The following CORIN variants were observed in gnomAD, a reference collection of about 807,000 sequenced individuals.
CORIN encodes corin, serine peptidase.
In CORIN, 117 loss-of-function variants were observed where a neutral mutation model predicts 125.3. The observed-to-expected ratio is 0.93, with a 90% confidence interval of 0.80 to 1.09. The LOEUF (loss-of-function observed/expected upper bound fraction) is 1.09, where lower values mean the gene tolerates loss of function less well. Among genes scored for constraint, CORIN ranks in the 50% least tolerant of loss-of-function variants. CORIN has a pLI of 0.00. For synonymous variants in CORIN, 450 were observed against 466.4 expected (o/e 0.96, Z 0.45); for missense variants, 1,253 against 1,306.7 (o/e 0.96, Z 0.63).
intron 10 of CORIN, among the ~76,000 whole-genome samples, chr4:47,666,034 G>T (rs564470873): frequency 6.6e-6 from 1 of 152,240 alleles, no homozygotes; most frequent in East Asian, 1.9e-4. Context: ...AGGTGGTCAT[G>T]GTTCTAGCTG....
At chr4:47,812,939 T>A (rs1337100314) in intron 1 of CORIN, among the ~76,000 whole-genome samples, 2 of 152,214 alleles carry the variant, frequency 1.3e-5, no homozygotes, top group Non-Finnish European at 2.9e-5. Flanking sequence ...AGAAAATGTA[T>A]TTGGCAAGAA....
intron 3 of CORIN, among the ~76,000 whole-genome samples, chr4:47,784,741 G>A (rs1266015181): frequency 6.6e-6 from 1 of 152,194 alleles, no homozygotes; most frequent in East Asian, 1.9e-4. Flanking sequence ...AGACATGACT[G>A]AAAAATAAAA....
At chr4:47,771,533 G>A (rs61764277) in intron 3 of CORIN, among the ~76,000 whole-genome samples, 16 of 152,036 alleles carry the variant, frequency 1.1e-4, no homozygotes, top group East Asian at 1.9e-4. Context: ...AGATTATTTC[G>A]TCACCCAAGT....
At chr4:47,741,157 T>C (rs1728376043) in intron 5 of CORIN, among the ~76,000 whole-genome samples, 1 of 151,966 alleles carries the variant, frequency 6.6e-6, no homozygotes, top group African/African-American at 2.4e-5. Flanking sequence ...CCGAAGAATG[T>C]AGGAAGATAT....
intron 2 of CORIN, among the ~76,000 whole-genome samples, chr4:47,787,492 C>A (rs1730870972): frequency 1.4e-5 from 2 of 146,720 alleles, no homozygotes; most frequent in African/African-American, 2.5e-5. Context: ...ATACATTTAT[C>A]AAAACTTGTA....
Position 47,656,437 on chromosome 4 carries a change from T to C in CORIN, c.1736-2777A>G, listed in dbSNP as rs960962645. Among the ~76,000 whole-genome samples the C allele has an allele frequency of 3.3e-5, 5 of 152,326 alleles. No individual in the cohort carries two copies. In the South Asian group the frequency reaches 1.0e-3, roughly 32 times the overall value. On this transcript the variant is annotated intron_variant, in intron 12 of 21. Transcript: ENST00000273857. ...TCCCAAAGTCCTGGCAAGACAGGCA[T>C]GAGCCACCGCTCCCGGTGACCATTT...
chr4:47,733,045 C>T (rs1727959071), intron 5 of CORIN, among the ~76,000 whole-genome samples: 1 of 152,166 alleles, frequency 6.6e-6, no homozygotes, highest in South Asian at 2.1e-4. Flanking sequence ...GTCTTCATGC[C>T]TTCTCCAGTT....
chr4:47,772,361 G>T (rs537031927), intron 3 of CORIN, among the ~76,000 whole-genome samples: 1 of 152,288 alleles, frequency 6.6e-6, no homozygotes, highest in East Asian at 1.9e-4. Flanking sequence ...TGAAGGTAGC[G>T]GATTTCTTTG....
rs548847466 is a variant in CORIN at position 47,806,904 on chromosome 4, A to C, written c.207T>G (p.Val69=). ...TTATTTAATAATGGCCTCACCCACC[A>C]ACATAGGAAAGCAGGATCACCAGCA... is the stretch of plus-strand genomic sequence containing the variant. ...VLLLVILLSY[V]GTLQKVYFKS... is the part of the protein sequence containing the mutation. The change falls in exon 2 of 22, where the codon GTT becomes GTG. Residue 69 remains valine, a splice_region_variant and synonymous_variant. Coordinates refer to ENST00000273857, the MANE Select transcript of CORIN (RefSeq NM_006587.4). 8.7e-6 allele frequency: 14 copies of C among 1,611,238 alleles called. No homozygotes were observed. The highest frequency in any genetic ancestry group is 1.1e-5 in the Non-Finnish European group (13 of 1,179,038).
intron 5 of CORIN, among the ~76,000 whole-genome samples, chr4:47,740,103 A>T (rs1728318908): frequency 6.6e-6 from 1 of 151,984 alleles, no homozygotes; most frequent in Admixed American, 6.6e-5. Flanking sequence ...TAAACACTAC[A>T]ATCAAAAGGC....
intron 17 of CORIN, among the ~76,000 whole-genome samples, chr4:47,624,171 T>A (rs879923933): frequency 6.6e-6 from 1 of 152,194 alleles, no homozygotes; most frequent in Non-Finnish European, 1.5e-5. Context: ...CAGGAGTATA[T>A]GGAATATATA....
intron 12 of CORIN, 96 bp downstream of exon 12, chr4:47,661,611 AAAAC>A (rs374108921): frequency 4.4e-5 from 50 of 1,141,850 alleles, no homozygotes; most frequent in Non-Finnish European, 5.6e-5. Flanking sequence ...AACTAAATAG[AAAAC>A]AAACAAACAA....
intron 2 of CORIN, among the ~76,000 whole-genome samples, chr4:47,789,749 G>T (rs903710451): frequency 1.3e-5 from 2 of 152,044 alleles, no homozygotes; most frequent in Non-Finnish European, 1.5e-5. Flanking sequence ...GGCCGGGCGC[G>T]GTGGCTCACG....
chr4:47,784,366 G>A (rs1008337743), intron 3 of CORIN, among the ~76,000 whole-genome samples: 1 of 152,148 alleles, frequency 6.6e-6, no homozygotes. Context: ...ACATATGCTA[G>A]GGTTTTGGCC....
chr4:47,703,279 G>T (rs138011604), intron 5 of CORIN, among the ~76,000 whole-genome samples: 1 of 152,230 alleles, frequency 6.6e-6, no homozygotes, highest in Non-Finnish European at 1.5e-5. Flanking sequence ...ACTGGGTCAA[G>T]GTAGAATTGG....
chr4:47,764,445 G>A (rs546104627), intron 3 of CORIN, among the ~76,000 whole-genome samples: 3 of 152,234 alleles, frequency 2.0e-5, no homozygotes, highest in East Asian at 1.9e-4. Flanking sequence ...TTTAGGAATC[G>A]ACCACATTTT....
intron 1 of CORIN, among the ~76,000 whole-genome samples, chr4:47,808,869 G>A (rs554670315): frequency 2.0e-5 from 3 of 152,278 alleles, no homozygotes; most frequent in Non-Finnish European, 4.4e-5. Flanking sequence ...TAATAGTGAT[G>A]GATACGACAA....
At chr4:47,648,873 A>G (rs767920560) in intron 13 of CORIN, among the ~76,000 whole-genome samples, 1 of 152,166 alleles carries the variant, frequency 6.6e-6, no homozygotes, top group Non-Finnish European at 1.5e-5. Flanking sequence ...TGTGACCTAT[A>G]AGGAGCTGTA....
At chr4:47,762,908 G>A (rs1227858302) in intron 4 of CORIN, among the ~76,000 whole-genome samples, 2 of 152,132 alleles carry the variant, frequency 1.3e-5, no homozygotes, top group Non-Finnish European at 2.9e-5. Context: ...GCCTGTCCAA[G>A]ACCCTTTACC....
Sources: allele counts gnomAD v4.1 joint callset (sites outside exome capture counted in the v4.1 genomes callset), GRCh38; gene constraint gnomAD v4.1.1; transcripts MANE v1.5; gene names NCBI Gene and HGNC (gene_info 2026-07-23, HGNC 2026-07-21).